SLC39A11: variants seen among roughly 807,000 people sequenced by gnomAD.
SLC39A11 encodes zinc transporter ZIP11.
Under a neutral mutation model 36.1 loss-of-function variants are expected in SLC39A11, and 33 were observed. The ratio of observed to expected loss-of-function variants is 0.91; its 90% CI spans 0.69 to 1.22. SLC39A11 has a LOEUF of 1.22. Ranked by LOEUF, SLC39A11 falls within the 50% of genes most tolerant of loss-of-function variation. The pLI, the probability that SLC39A11 is intolerant of heterozygous loss-of-function variation, is 0.00. For synonymous variants in SLC39A11, 166 were observed against 170.3 expected (o/e 0.97, Z 0.20); for missense variants, 432 against 430.3 (o/e 1.00, Z -0.03).
intron 7 of SLC39A11, among the ~76,000 whole-genome samples, chr17:72,662,207 T>C (rs1040633158): frequency 2.6e-5 from 4 of 151,818 alleles, no homozygotes; most frequent in Non-Finnish European, 4.4e-5. Flanking sequence ...TTTGAGGCTG[T>C]AGTACTATGA....
chr17:72,709,874 T>C (rs1388168068), intron 7 of SLC39A11, among the ~76,000 whole-genome samples: 2 of 152,264 alleles, frequency 1.3e-5, no homozygotes, highest in Non-Finnish European at 2.9e-5. Flanking sequence ...TATGTCACAT[T>C]GCAATTTTCT....
intron 6 of SLC39A11, among the ~76,000 whole-genome samples, chr17:72,843,739 T>C (rs1186045983): frequency 6.6e-6 from 1 of 152,218 alleles, no homozygotes; most frequent in African/African-American, 2.4e-5. Flanking sequence ...AAGACATGTG[T>C]ACAACATCCT....
chr17:72,906,061 C>T (rs188194719), intron 5 of SLC39A11, among the ~76,000 whole-genome samples: 31 of 152,242 alleles, frequency 2.0e-4, no homozygotes, highest in African/African-American at 7.2e-4. Flanking sequence ...CCAAAGAGGA[C>T]CCCAACTCTT....
At chr17:72,949,528 A>C (rs1247707499) in intron 4 of SLC39A11, among the ~76,000 whole-genome samples, 1 of 152,016 alleles carries the variant, frequency 6.6e-6, no homozygotes, top group African/African-American at 2.4e-5. Flanking sequence ...GTACCAGCAC[A>C]GTCAGTGACT....
chr17:72,740,672 T>A (rs1160444166), intron 6 of SLC39A11, among the ~76,000 whole-genome samples: 1 of 152,232 alleles, frequency 6.6e-6, no homozygotes, highest in Non-Finnish European at 1.5e-5. Flanking sequence ...GAAAACTACG[T>A]AAGAACTGAG....
At chr17:72,923,974 G>C (rs2083865245) in intron 5 of SLC39A11, among the ~76,000 whole-genome samples, 1 of 151,652 alleles carries the variant, frequency 6.6e-6, no homozygotes, top group Non-Finnish European at 1.5e-5. Context: ...GCGAAGACTT[G>C]TCGCTACAAC....
intron 5 of SLC39A11, among the ~76,000 whole-genome samples, chr17:72,917,765 C>A (rs2083415961): frequency 6.6e-6 from 1 of 152,214 alleles, no homozygotes; most frequent in African/African-American, 2.4e-5. Flanking sequence ...AAGTGTCCAA[C>A]TGAGTTATTA....
chr17:72,990,761 AAC>A (rs553115093), intron 4 of SLC39A11, among the ~76,000 whole-genome samples: 1 of 150,860 alleles, frequency 6.6e-6, no homozygotes, highest in African/African-American at 2.4e-5. Context: ...CTCCCCGACC[AAC>A]ACACACACAT....
intron 6 of SLC39A11, among the ~76,000 whole-genome samples, chr17:72,758,579 C>T (rs915026324): frequency 1.3e-5 from 2 of 152,164 alleles, no homozygotes; most frequent in Non-Finnish European, 2.9e-5. Context: ...TCCAACCCAT[C>T]CTGAAGAAAG....
intron 6 of SLC39A11, among the ~76,000 whole-genome samples, chr17:72,795,530 C>T (rs995716998): frequency 3.9e-5 from 6 of 152,160 alleles, no homozygotes; most frequent in African/African-American, 1.4e-4. Context: ...TAAGGTCGCA[C>T]ACCATCACTT....
chr17:72,833,786 C>T (rs1007360763), intron 6 of SLC39A11, among the ~76,000 whole-genome samples: 1 of 152,108 alleles, frequency 6.6e-6, no homozygotes, highest in East Asian at 1.9e-4. Flanking sequence ...CGACATCAGA[C>T]ATCATGATGC....
chr17:72,930,696 G>C (rs193154298), intron 5 of SLC39A11, among the ~76,000 whole-genome samples: 1 of 152,348 alleles, frequency 6.6e-6, no homozygotes, highest in African/African-American at 2.4e-5. Context: ...GGAGAGGCTT[G>C]TGTTCCATAA....
chr17:72,843,244 CG>C (rs2078899498), intron 6 of SLC39A11, among the ~76,000 whole-genome samples: 1 of 152,042 alleles, frequency 6.6e-6, no homozygotes, highest in Non-Finnish European at 1.5e-5. Flanking sequence ...CCACCGCGCC[CG>C]GCCTGGGGAG....
Position 72,654,800 on chromosome 17 carries a change from GC to G in SLC39A11, c.672-5533del, listed in dbSNP as rs554681953. On this transcript the variant is annotated intron_variant, in intron 7 of 9. Coordinates refer to ENST00000255559, the MANE Select transcript of SLC39A11 (RefSeq NM_139177.4). ...ATTCACAGGCAGGCACACGAAGGTAGCCGCAGAGTGACCAGCCCAATGTCAC... is the reference window on the plus strand; with the variant it reads ...ATTCACAGGCAGGCACACGAAGGTAGCGCAGAGTGACCAGCCCAATGTCAC... 2.0e-4 allele frequency among the ~76,000 whole-genome samples: 30 copies of G among 152,356 alleles called. No homozygotes were observed. In the South Asian group the frequency reaches 5.8e-3, roughly 29 times the overall value.
chr17:72,812,731 T>C (rs1349237473), intron 6 of SLC39A11, among the ~76,000 whole-genome samples: 1 of 152,242 alleles, frequency 6.6e-6, no homozygotes, highest in Non-Finnish European at 1.5e-5. Flanking sequence ...GATATATGGA[T>C]GAAAACTACA....
rs1723622798 is a variant in SLC39A11 at position 72,646,500 on chromosome 17, G to A, written c.*1084C>T. Reference sequence around the variant, plus strand: ...TGAGTTGGCTAAAATTTACTTTAAAGGGGAAATGTAAAATTACCTCTTCTT... The same window carrying A: ...TGAGTTGGCTAAAATTTACTTTAAAAGGGAAATGTAAAATTACCTCTTCTT... On this transcript the variant is annotated 3_prime_UTR_variant, in exon 10 of 10. Coordinates refer to ENST00000255559, the MANE Select transcript of SLC39A11 (RefSeq NM_139177.4). 1 of 152,256 alleles carries A rather than the reference G, an allele frequency of 6.6e-6. No individual in the cohort carries two copies. The highest frequency in any genetic ancestry group is 1.5e-5 in the Non-Finnish European group (1 of 68,030). The allele number at this position is 152,256 out of a possible 1,614,324, so 9.4% of individuals were successfully genotyped here.
chr17:72,812,278 GT>G (rs2077457230), intron 6 of SLC39A11, among the ~76,000 whole-genome samples: 1 of 152,166 alleles, frequency 6.6e-6, no homozygotes, highest in East Asian at 1.9e-4. Flanking sequence ...AACTTTATCC[GT>G]TAGTAGATTT....
At chr17:73,042,687 G>C (rs9916405) in intron 3 of SLC39A11, among the ~76,000 whole-genome samples, 89,489 of 152,032 alleles carry the variant, frequency 0.59, 28,079 homozygotes, top group East Asian at 0.73. Context: ...TGTAATCTCA[G>C]CTACTTGGGA....
At chr17:72,933,723 T>C (rs1413266436) in intron 5 of SLC39A11, among the ~76,000 whole-genome samples, 1 of 152,164 alleles carries the variant, frequency 6.6e-6, no homozygotes, top group African/African-American at 2.4e-5. Flanking sequence ...TTTCACCATG[T>C]TGGCCAGGCT....
Sources: gnomAD v4.1 joint callset for allele counts (sites outside exome capture counted in the v4.1 genomes callset) on GRCh38, gnomAD v4.1.1 for gene constraint, MANE v1.5 for transcripts, NCBI Gene and HGNC (gene_info 2026-07-23, HGNC 2026-07-21) for gene names.